Variants in CDH9 observed in about 807,000 individuals in gnomAD.
The protein encoded by CDH9 is cadherin 9.
A neutral mutation model predicts 70.9 loss-of-function variants in CDH9; 28 were observed. The observed-to-expected ratio is 0.40, with a 90% confidence interval of 0.29 to 0.54. The LOEUF is 0.54. CDH9 is among the 20% of genes least tolerant of loss of function. CDH9 has a pLI of 0.59. For synonymous variants in CDH9, 409 were observed against 343.1 expected, an observed-to-expected ratio of 1.19 and a Z score of -2.12; for missense variants, 874 against 984.4, an observed-to-expected ratio of 0.89 and a Z score of 1.50.
Position 26,881,612 on chromosome 5 carries a change from A to G in CDH9, c.1894T>C (p.Leu632=). 1.9e-6 allele frequency: 3 copies of G among 1,607,842 alleles called. No individual in the cohort carries two copies. Among genetic ancestry groups the G allele is most frequent in the Non-Finnish European group, 2.5e-6 (3 of 1,178,262 alleles). ...CTTTGCCTCTTCAATGCAGCAAACA[A>G]CACGACTAAAACTATTAATAAGAAA... is the stretch of plus-strand genomic sequence containing the variant. The part of the protein sequence containing the change: ...CVLILLILVV[L]FAALKRQRKK... The change falls in exon 12 of 12, where the codon TTG becomes CTG. Residue 632 remains leucine, a synonymous_variant. Transcript: ENST00000231021.
intron 2 of CDH9, among the ~76,000 whole-genome samples, chr5:26,924,706 G>T (rs78942103): frequency 4.6e-5 from 7 of 151,530 alleles, no homozygotes; most frequent in Non-Finnish European, 1.0e-4. Flanking sequence ...TACCCCAGCC[G>T]CCCATCCTAA....
At chr5:27,037,802 G>A (rs1743419858) in intron 1 of CDH9, among the ~76,000 whole-genome samples, 2 of 151,924 alleles carry the variant, frequency 1.3e-5, no homozygotes, top group Admixed American at 1.3e-4. Flanking sequence ...ATAATAGAAA[G>A]CAATTATAGC....
chr5:26,926,120 C>T (rs916269464), intron 2 of CDH9, among the ~76,000 whole-genome samples: 1 of 151,902 alleles, frequency 6.6e-6, no homozygotes, highest in African/African-American at 2.4e-5. Context: ...ATAAATAAAG[C>T]GTATTCAATT....
chr5:26,935,221 AAGG>A (rs1269659437), intron 2 of CDH9, among the ~76,000 whole-genome samples: 2 of 152,196 alleles, frequency 1.3e-5, no homozygotes, highest in Non-Finnish European at 2.9e-5. Context: ...GCTAAAAATA[AAGG>A]AGAATATTTT....
chr5:26,921,961 G>A (rs1250452033), intron 2 of CDH9, among the ~76,000 whole-genome samples: 1 of 151,294 alleles, frequency 6.6e-6, no homozygotes, highest in Non-Finnish European at 1.5e-5. Context: ...GTTAAAAGCG[G>A]GATTGATTAA....
intron 1 of CDH9, among the ~76,000 whole-genome samples, chr5:27,020,365 C>A (rs1363818738): frequency 6.6e-6 from 1 of 151,138 alleles, no homozygotes; most frequent in Non-Finnish European, 1.5e-5. Flanking sequence ...TTTCTGGAAA[C>A]CAACAATTCC....
chr5:26,991,027 C>A (rs373482803), intron 1 of CDH9, among the ~76,000 whole-genome samples: 2 of 152,020 alleles, frequency 1.3e-5, no homozygotes, highest in African/African-American at 4.8e-5. Flanking sequence ...ATTTTCAGTG[C>A]GATTGAAAGC....
At chr5:26,901,126 C>T (rs1319816105) in intron 7 of CDH9, among the ~76,000 whole-genome samples, 1 of 151,868 alleles carries the variant, frequency 6.6e-6, no homozygotes, top group Non-Finnish European at 1.5e-5. Flanking sequence ...GCAATATGAA[C>T]ATTTTAATTA....
At chr5:26,971,909 A>G (rs17564907) in intron 2 of CDH9, among the ~76,000 whole-genome samples, 9,242 of 152,296 alleles carry the variant, frequency 0.061, 387 homozygotes, top group Non-Finnish European at 0.091. Flanking sequence ...CACCTTTTAA[A>G]TCTCAACAGG....
chr5:26,940,505 C>A (rs1741641349), intron 2 of CDH9, among the ~76,000 whole-genome samples: 1 of 145,244 alleles, frequency 6.9e-6, no homozygotes, highest in African/African-American at 2.9e-5. Context: ...AATATCCTAC[C>A]AAAAGGTTAT....
intron 2 of CDH9, among the ~76,000 whole-genome samples, chr5:26,916,461 C>T (rs1741151450): frequency 6.6e-6 from 1 of 151,824 alleles, no homozygotes; most frequent in Admixed American, 6.6e-5. Flanking sequence ...GTGGAGTGTA[C>T]CGAAACCTGT....
At position 26,963,922 on chromosome 5, in the gene CDH9, A is replaced by T. The variant is rs78829985; in HGVS notation, c.228+24184T>A. 1.4e-4 allele frequency among the ~76,000 whole-genome samples: 22 copies of T among 152,274 alleles called. 1 individual carries two copies. The East Asian group carries it at 3.9e-3, about 27-fold the overall frequency. On this transcript the variant is annotated intron_variant, in intron 2 of 11. Transcript: ENST00000231021. ...GCTTTCACAAGACTACTATGATCTT[A>T]GAAAAAACAATTAATCTATGTTTCT... is the stretch of plus-strand genomic sequence containing the variant.
intron 2 of CDH9, among the ~76,000 whole-genome samples, chr5:26,945,310 C>A (rs1741733580): frequency 2.6e-5 from 4 of 151,622 alleles, no homozygotes; most frequent in Admixed American, 2.6e-4. Flanking sequence ...CAAGCTTTAA[C>A]TCAAGAATTG....
intron 6 of CDH9, 93 bp downstream of exon 6, chr5:26,903,544 G>T: frequency 1.2e-6 from 1 of 851,264 alleles, no homozygotes; most frequent in Non-Finnish European, 2.1e-6. Context: ...AAAAGATGGG[G>T]GAAAATAAAT....
intron 5 of CDH9, 62 bp downstream of exon 5, chr5:26,905,897 A>G: frequency 8.1e-7 from 1 of 1,242,234 alleles, no homozygotes; most frequent in Non-Finnish European, 1.2e-6. Flanking sequence ...TGTGAATATT[A>G]AACTCGGCTA....
intron 1 of CDH9, among the ~76,000 whole-genome samples, chr5:27,017,030 T>G (rs1307466387): frequency 6.6e-6 from 1 of 151,946 alleles, no homozygotes; most frequent in East Asian, 1.9e-4. Flanking sequence ...AGCCCAAAAC[T>G]GTTCTTTCTA....
intron 2 of CDH9, among the ~76,000 whole-genome samples, chr5:26,964,186 C>T (rs1402011555): frequency 3.0e-4 from 46 of 151,814 alleles, no homozygotes; most frequent in Non-Finnish European, 1.2e-4. Context: ...AGACTCTATG[C>T]TGATTAATAC....
At chr5:26,924,282 A>G (rs1215243794) in intron 2 of CDH9, among the ~76,000 whole-genome samples, 1 of 151,938 alleles carries the variant, frequency 6.6e-6, no homozygotes, top group East Asian at 1.9e-4. Context: ...GTGCCAATAA[A>G]TTGGAAAACC....
chr5:26,946,029 A>T (rs535088669), intron 2 of CDH9, among the ~76,000 whole-genome samples: 2 of 152,290 alleles, frequency 1.3e-5, no homozygotes, highest in East Asian at 3.9e-4. Flanking sequence ...TTCATGGCTT[A>T]GGATTGCTAT....
Sources: allele counts gnomAD v4.1 joint callset (sites outside exome capture counted in the v4.1 genomes callset), GRCh38; gene constraint gnomAD v4.1.1; transcripts MANE v1.5; gene names NCBI Gene and HGNC (gene_info 2026-07-23, HGNC 2026-07-21).